Variants in GOLGA8A observed in about 807,000 individuals in gnomAD.
The protein encoded by GOLGA8A is golgin A8 family member A, also known as golgin subfamily A member 8A.
A neutral mutation model predicts 22.1 loss-of-function variants in GOLGA8A; 3 were observed. The observed-to-expected ratio is 0.14, with a 90% CI of 0.06 to 0.35. GOLGA8A has a LOEUF of 0.35. GOLGA8A is among the 10% of genes least tolerant of loss of function. GOLGA8A has a pLI of 1.00. For missense variants in GOLGA8A, 16 were observed against 233.2 expected (o/e 0.07, Z 6.07); for synonymous variants, 7 against 91.7 (o/e 0.08, Z 5.28).
At chr15:34,431,812 A>C (rs939790389) in intron 2 of GOLGA8A, among the ~76,000 whole-genome samples, 1 of 148,644 alleles carries the variant, frequency 6.7e-6, no homozygotes, top group African/African-American at 2.5e-5. Flanking sequence ...ATATTTTTTT[A>C]AAATAAAGTA....
At chr15:34,436,877 G>A (rs1210634304) in intron 1 of GOLGA8A, among the ~76,000 whole-genome samples, 1 of 149,754 alleles carries the variant, frequency 6.7e-6, no homozygotes, top group Non-Finnish European at 1.5e-5. Flanking sequence ...TTTCCCTCTG[G>A]GCCTTATTAT....
chr15:34,437,001 C>A (rs1893552834), intron 1 of GOLGA8A, among the ~76,000 whole-genome samples: 1 of 149,348 alleles, frequency 6.7e-6, no homozygotes, highest in Non-Finnish European at 1.5e-5. Context: ...ATGCCGGCGC[C>A]AAGCCGGGCA....
At chr15:34,412,327 GAAGAGACACTGGGCCTTTT>G (rs1053910539) in intron 2 of GOLGA8A, among the ~76,000 whole-genome samples, 8 of 108,834 alleles carry the variant, frequency 7.4e-5, no homozygotes, top group Admixed American at 6.5e-4. Context: ...ACTCAGCCTT[GAAGAGACACTGGGCCTTTT>G]AAGAGACACT....
chr15:34,429,056 C>A (rs1469683036), intron 2 of GOLGA8A: 1 of 146,474 alleles, frequency 6.8e-6, no homozygotes, highest in Non-Finnish European at 1.5e-5. Context: ...CCTGCCCCCG[C>A]CACCCTCCTG....
rs1304377875 is a variant in GOLGA8A at position 34,437,485 on chromosome 15, T to C, written c.-1299A>G. ...CGCCGCCGTCCTCGCCGCGCCGCCG[T>C]CCTCGCCGCGCCGCCGTCCTCGCCG... On this transcript the variant is annotated 5_prime_UTR_variant, in exon 1 of 25. Coordinates refer to ENST00000359187, the MANE Select transcript of GOLGA8A (RefSeq NM_181077.5). 3 of 60,402 alleles carry C rather than the reference T, an allele frequency of 5.0e-5. No individual in the cohort carries two copies. Among genetic ancestry groups the C allele is most frequent in the African/African-American group, 8.4e-5 (1 of 11,862 alleles). 3.7% of individuals were successfully genotyped at this position (60,402 alleles called of 1,614,324 possible).
intron 2 of GOLGA8A, among the ~76,000 whole-genome samples, chr15:34,433,012 GA>G (rs1893325598): frequency 6.7e-6 from 1 of 149,124 alleles, no homozygotes; most frequent in Non-Finnish European, 1.5e-5. Flanking sequence ...CAGATGCTGA[GA>G]AAGACTCTCA....
At chr15:34,431,339 A>C (rs1004714782) in intron 2 of GOLGA8A, among the ~76,000 whole-genome samples, 13,914 of 82,438 alleles carry the variant, frequency 0.17, 1,405 homozygotes, top group African/African-American at 0.24. Context: ...ATATATATAT[A>C]TATATATCTC....
At chr15:34,421,588 G>GC in intron 2 of GOLGA8A, among the ~76,000 whole-genome samples, 1 of 143,846 alleles carries the variant, frequency 7.0e-6, no homozygotes, top group African/African-American at 2.5e-5. Context: ...CAAGAAGACT[G>GC]CATGGGTTGA....
intron 2 of GOLGA8A, among the ~76,000 whole-genome samples, chr15:34,425,425 T>C (rs1048389338): frequency 9.7e-5 from 14 of 144,050 alleles, no homozygotes; most frequent in Non-Finnish European, 1.4e-4. Context: ...TCACACCGTA[T>C]CTAAAATACA....
intron 2 of GOLGA8A, among the ~76,000 whole-genome samples, chr15:34,424,815 A>G (rs1595663640): frequency 7.5e-6 from 1 of 133,886 alleles, no homozygotes; most frequent in African/African-American, 2.8e-5. Flanking sequence ...AAGTTTATCT[A>G]GCGGCCGGGT....
chr15:34,429,095 TGTC>T (rs1248695804), intron 2 of GOLGA8A, among the ~76,000 whole-genome samples: 2 of 136,472 alleles, frequency 1.5e-5, no homozygotes, highest in Non-Finnish European at 3.1e-5. Context: ...CCCCACCCCA[TGTC>T]ACATCTTCTG....
intron 1 of GOLGA8A, among the ~76,000 whole-genome samples, chr15:34,437,182 G>T (rs915882124): frequency 2.7e-5 from 4 of 147,346 alleles, no homozygotes; most frequent in African/African-American, 1.0e-4. Flanking sequence ...GTGGGAGGAG[G>T]ATGGGCCGGT....
At position 34,437,400 on chromosome 15, in the gene GOLGA8A, G is replaced by T. The variant is rs1418624374; in HGVS notation, c.-1214C>A. On this transcript the variant is annotated splice_region_variant and 5_prime_UTR_variant, in exon 1 of 25. Coordinates refer to ENST00000359187, the MANE Select transcript of GOLGA8A (RefSeq NM_181077.5). ...GCAGCCGAGGTTCCCCAGCTTACCTGGCCAGGGCGCGGGGCTGCCCCGGTC... is the reference window on the plus strand; with the variant it reads ...GCAGCCGAGGTTCCCCAGCTTACCTTGCCAGGGCGCGGGGCTGCCCCGGTC... The T allele has an allele frequency of 7.1e-6, 1 of 141,562 alleles. No homozygotes were observed. Among genetic ancestry groups the T allele is most frequent in the Non-Finnish European group, 1.6e-5 (1 of 63,984 alleles). 8.8% of individuals were successfully genotyped at this position (141,562 alleles called of 1,614,324 possible).
At chr15:34,431,320 T>C (rs1283834306) in intron 2 of GOLGA8A, among the ~76,000 whole-genome samples, 3 of 15,332 alleles carry the variant, frequency 2.0e-4, no homozygotes, top group African/African-American at 4.0e-4. Flanking sequence ...TACATATATA[T>C]ATATATATAT....
chr15:34,436,784 G>A (rs543359305), intron 1 of GOLGA8A, among the ~76,000 whole-genome samples: 2 of 150,018 alleles, frequency 1.3e-5, no homozygotes, highest in African/African-American at 4.9e-5. Context: ...TGGAGAAGGG[G>A]CCCTGCAGAG....
At chr15:34,428,652 G>C (rs1272738322) in intron 2 of GOLGA8A, 1 of 147,752 alleles carries the variant, frequency 6.8e-6, no homozygotes, top group Non-Finnish European at 1.5e-5. Flanking sequence ...ACATTATCAC[G>C]TAAGAAATGT....
intron 2 of GOLGA8A, among the ~76,000 whole-genome samples, chr15:34,433,179 A>G (rs1387221637): frequency 6.7e-6 from 1 of 148,362 alleles, no homozygotes; most frequent in African/African-American, 2.5e-5. Flanking sequence ...CACACGCAGG[A>G]GAGAGTCAGG....
intron 2 of GOLGA8A, chr15:34,417,926 G>A (rs1191207471): frequency 2.8e-5 from 4 of 141,200 alleles, no homozygotes; most frequent in African/African-American, 1.0e-4. Context: ...GGTAGAGGGG[G>A]TGTTACTAAA....
intron 2 of GOLGA8A, among the ~76,000 whole-genome samples, chr15:34,426,364 A>G (rs1478823403): frequency 6.7e-6 from 1 of 148,300 alleles, no homozygotes; most frequent in East Asian, 2.0e-4. Context: ...CTTTTAAAAT[A>G]TGTATGTATT....
Sources: allele counts gnomAD v4.1 joint callset (sites outside exome capture counted in the v4.1 genomes callset), GRCh38; gene constraint gnomAD v4.1.1; transcripts MANE v1.5; gene names NCBI Gene and HGNC (gene_info 2026-07-23, HGNC 2026-07-21).